Variants in SMAP1 observed in about 807,000 individuals in gnomAD.
SMAP1 encodes stromal membrane-associated protein 1.
In SMAP1, 24 loss-of-function variants were observed where a neutral mutation model predicts 58.5. The observed-to-expected ratio is 0.41, with a 90% CI of 0.30 to 0.58. The LOEUF (loss-of-function observed/expected upper bound fraction) is 0.58, where lower values mean the gene tolerates loss of function less well. Ranked by LOEUF, SMAP1 falls within the 20% of genes least tolerant of loss-of-function variation. SMAP1 has a pLI of 0.29. For missense variants in SMAP1, 563 were observed against 566.3 expected (o/e 0.99, Z 0.06); for synonymous variants, 216 against 196.6 (o/e 1.10, Z -0.82).
At chr6:70,742,543 G>A (rs999969752) in intron 2 of SMAP1, among the ~76,000 whole-genome samples, 2 of 152,176 alleles carry the variant, frequency 1.3e-5, no homozygotes, top group Non-Finnish European at 2.9e-5. Context: ...TAGTCAGCAA[G>A]TCTCTAGGAA....
intron 3 of SMAP1, among the ~76,000 whole-genome samples, chr6:70,763,195 A>T (rs1766828260): frequency 6.7e-6 from 1 of 148,300 alleles, no homozygotes; most frequent in Admixed American, 6.8e-5. Context: ...TTCCAACAAC[A>T]CATGTTTACT....
intron 1 of SMAP1, among the ~76,000 whole-genome samples, chr6:70,713,484 A>G (rs1034964835): frequency 6.6e-6 from 1 of 152,068 alleles, no homozygotes; most frequent in Non-Finnish European, 1.5e-5. Flanking sequence ...TGAGATATTT[A>G]AAAAATTCTC....
chr6:70,751,276 A>G (rs1562133318), intron 2 of SMAP1, among the ~76,000 whole-genome samples: 2 of 152,104 alleles, frequency 1.3e-5, no homozygotes, highest in African/African-American at 2.4e-5. Flanking sequence ...CGTTCAGTCT[A>G]CTGGCAGAAG....
At chr6:70,711,575 T>C (rs1768059275) in intron 1 of SMAP1, among the ~76,000 whole-genome samples, 2 of 151,842 alleles carry the variant, frequency 1.3e-5, no homozygotes, top group Admixed American at 1.3e-4. Flanking sequence ...TCACCCAGGC[T>C]GGAGTGCATT....
rs2273566 is a variant in SMAP1, at chr6:70,836,999, C to T, written c.635C>T (p.Ala212Val). ...AAAAGTACCAGCCCTAAAAAAGCTG[C>T]GGAGCCCACTGTGGATCTTTTAGGA... is the stretch of plus-strand genomic sequence containing the variant. ...PKKSTSPKKA[A>V]EPTVDLLGLD... The change falls in exon 7 of 11, where the codon GCG (alanine) becomes GTG (valine). Residue 212 changes from alanine (A) to valine (V), a missense_variant. Coordinates refer to ENST00000370455, the MANE Select transcript of SMAP1 (RefSeq NM_001044305.3). The T allele has an allele frequency of 0.11, 173,902 of 1,598,686 alleles. 16,583 individuals carry two copies. Among genetic ancestry groups the T allele is most frequent in the East Asian group, 0.54 (23,567 of 43,916 alleles).
chr6:70,757,816 T>C (rs1766564156), intron 3 of SMAP1, among the ~76,000 whole-genome samples: 1 of 152,082 alleles, frequency 6.6e-6, no homozygotes, highest in African/African-American at 2.4e-5. Flanking sequence ...AAAACCACAA[T>C]GAGATACCAT....
chr6:70,742,360 A>G (rs1413218394), intron 2 of SMAP1, among the ~76,000 whole-genome samples: 1 of 152,124 alleles, frequency 6.6e-6, no homozygotes, highest in Non-Finnish European at 1.5e-5. Flanking sequence ...CATCTCCTTC[A>G]AGTTCAAAGA....
At position 70,668,185 on chromosome 6, in the gene SMAP1, A is replaced by G. The variant is rs749290215; in HGVS notation, c.118+44A>G. On this transcript the variant is annotated intron_variant, in intron 1 of 10. Transcript: ENST00000370455. Reference sequence around the variant, plus strand: ...CTGCCCACGGTCGGGGCCTCTTGCGACCGGTGACCTTCCCGCCGCTGCGGC... The same window carrying G: ...CTGCCCACGGTCGGGGCCTCTTGCGGCCGGTGACCTTCCCGCCGCTGCGGC... 5.2e-6 allele frequency: 8 copies of G among 1,524,844 alleles called. No individual in the cohort carries two copies. The Admixed American group carries it at 1.4e-4, about 27-fold the overall frequency. 94.5% of individuals were successfully genotyped at this position (1,524,844 alleles called of 1,614,324 possible).
At chr6:70,731,014 G>C (rs940167405) in intron 1 of SMAP1, among the ~76,000 whole-genome samples, 1 of 152,166 alleles carries the variant, frequency 6.6e-6, no homozygotes. Context: ...TGGCCAGGCT[G>C]TTCTCAAACT....
At chr6:70,828,615 A>C (rs957919685) in intron 6 of SMAP1, among the ~76,000 whole-genome samples, 1 of 152,230 alleles carries the variant, frequency 6.6e-6, no homozygotes, top group Non-Finnish European at 1.5e-5. Context: ...AAAAACAGTG[A>C]CATATATGAA....
intron 3 of SMAP1, among the ~76,000 whole-genome samples, chr6:70,771,262 C>A (rs907969218): frequency 1.3e-5 from 2 of 152,312 alleles, no homozygotes; most frequent in African/African-American, 2.4e-5. Context: ...GTGCTGGGAG[C>A]ACCACTGTTC....
chr6:70,689,930 T>C (rs1054467534), intron 1 of SMAP1, among the ~76,000 whole-genome samples: 2 of 152,176 alleles, frequency 1.3e-5, no homozygotes, highest in Non-Finnish European at 2.9e-5. Flanking sequence ...GTTAACCTCA[T>C]TTATTTGTTT....
chr6:70,760,032 C>T, intron 3 of SMAP1: 1 of 235,174 alleles, frequency 4.3e-6, no homozygotes, highest in East Asian at 9.3e-5. Context: ...AAGAAACTTC[C>T]TAAAGCCTCC....
At chr6:70,739,676 T>C (rs982519775) in intron 2 of SMAP1, among the ~76,000 whole-genome samples, 3 of 152,124 alleles carry the variant, frequency 2.0e-5, no homozygotes, top group Admixed American at 1.3e-4. Flanking sequence ...AATATTCTCT[T>C]GCTTTAGTTT....
At position 70,804,634 on chromosome 6, in the gene SMAP1, C is replaced by T. The variant is rs186084943; in HGVS notation, c.576+5897C>T. On this transcript the variant is annotated intron_variant, in intron 6 of 10. Coordinates refer to ENST00000370455, the MANE Select transcript of SMAP1 (RefSeq NM_001044305.3). Reference sequence around the variant, plus strand: ...TGGCCTGTTTTTGCATTGGCTGGTACCAGTTGTTCCTTTCCATGTTTAGTG... The same window carrying T: ...TGGCCTGTTTTTGCATTGGCTGGTATCAGTTGTTCCTTTCCATGTTTAGTG... Among the ~76,000 whole-genome samples, 99 of 152,224 alleles carry T rather than the reference C, an allele frequency of 6.5e-4. 2 individuals carry two copies. Among genetic ancestry groups the T allele is most frequent in the African/African-American group, 2.3e-3 (95 of 41,530 alleles).
At position 70,784,601 on chromosome 6, in the gene SMAP1, T is replaced by G. The variant is rs372672195; in HGVS notation, c.415-7088T>G. 2.1e-3 allele frequency among the ~76,000 whole-genome samples: 315 copies of G among 151,932 alleles called. 1 individual carries two copies. The highest frequency in any genetic ancestry group is 1.8e-3 in the Admixed American group (28 of 15,266). ...CACATAGGCTCAACATAAAGGGATG[T>G]AGGAAGATCTACCAAGCAAATGGAA... On this transcript the variant is annotated intron_variant, in intron 4 of 10. Transcript: ENST00000370455.
At chr6:70,816,406 G>A (rs190439569) in intron 6 of SMAP1, among the ~76,000 whole-genome samples, 22 of 152,254 alleles carry the variant, frequency 1.4e-4, no homozygotes, top group African/African-American at 5.3e-4. Context: ...GAAGGCAGGT[G>A]AGGTTAGAAA....
At chr6:70,767,471 TG>T (rs1475626845) in intron 3 of SMAP1, among the ~76,000 whole-genome samples, 3 of 152,200 alleles carry the variant, frequency 2.0e-5, no homozygotes, top group Admixed American at 1.3e-4. Context: ...TCACATCCCT[TG>T]TAAGTTGGAT....
intron 1 of SMAP1, among the ~76,000 whole-genome samples, chr6:70,685,080 A>G (rs1275479287): frequency 6.6e-6 from 1 of 152,130 alleles, no homozygotes; most frequent in South Asian, 2.1e-4. Context: ...GTCTGGCACA[A>G]AGTAAGGGTT....
Sources: gnomAD v4.1 joint callset for allele counts (sites outside exome capture counted in the v4.1 genomes callset) on GRCh38, gnomAD v4.1.1 for gene constraint, MANE v1.5 for transcripts, NCBI Gene and HGNC (gene_info 2026-07-23, HGNC 2026-07-21) for gene names.